The following RAP1B variants were observed in gnomAD, a reference collection of about 807,000 sequenced individuals.
RAP1B encodes ras-related protein Rap-1b.
In RAP1B, 1 loss-of-function variant was observed where a neutral mutation model predicts 27.5. That is an observed-to-expected ratio of 0.04 (90% CI 0.01 to 0.17). RAP1B has a LOEUF of 0.17. RAP1B is among the 10% of genes least tolerant of loss of function. RAP1B has a pLI of 1.00. For synonymous variants in RAP1B, 75 were observed against 73.1 expected (o/e 1.03, Z -0.13); for missense variants, 84 against 214.8 (o/e 0.39, Z 3.81).
At chr12:68,647,194 A>G (rs1873469682) in intron 1 of RAP1B, among the ~76,000 whole-genome samples, 1 of 152,134 alleles carries the variant, frequency 6.6e-6, no homozygotes. Flanking sequence ...CTGTGATTAC[A>G]GGCGTGTACC....
chr12:68,654,568 C>T (rs1449362257), intron 5 of RAP1B, among the ~76,000 whole-genome samples: 1 of 151,722 alleles, frequency 6.6e-6, no homozygotes, highest in African/African-American at 2.4e-5. Context: ...AGCTGTACCT[C>T]CCGGGTTCAC....
intron 2 of RAP1B, chr12:68,649,051 T>C (rs1873625354): frequency 2.9e-6 from 1 of 345,512 alleles, no homozygotes; most frequent in African/African-American, 2.1e-5. Context: ...TACATGTCTT[T>C]TTGCATTCGC....
intron 1 of RAP1B, chr12:68,627,258 C>G: frequency 9.5e-7 from 1 of 1,057,606 alleles, no homozygotes; most frequent in Admixed American, 1.7e-5. Context: ...TCCCTTAGAG[C>G]AACCCATACA....
At chr12:68,632,125 A>ATTTTTTTTTTTTTTTT (rs1211565843) in intron 1 of RAP1B, among the ~76,000 whole-genome samples, 1 of 107,142 alleles carries the variant, frequency 9.3e-6, no homozygotes, top group African/African-American at 4.6e-5. Context: ...TGGGTTTTGG[A>ATTTTTTTTTTTTTTTT]TTTGTTTTTT....
Position 68,610,916 on chromosome 12 carries a change from C to A in RAP1B, c.-154C>A. 1 of 308,136 alleles carries A rather than the reference C, an allele frequency of 3.2e-6. No individual in the cohort carries two copies. Among genetic ancestry groups the A allele is most frequent in the Non-Finnish European group, 6.0e-6 (1 of 166,932 alleles). 19.1% of individuals were successfully genotyped at this position (308,136 alleles called of 1,614,324 possible). On this transcript the variant is annotated 5_prime_UTR_variant, in exon 1 of 8. Coordinates refer to ENST00000250559, the MANE Select transcript of RAP1B (RefSeq NM_001010942.3). ...GTCAAGGCGACATCGCCAAACCTCG[C>A]CCAGATTCAGGCGTGTAAACCAGCC...
chr12:68,626,672 A>T (rs1303965369), intron 1 of RAP1B, among the ~76,000 whole-genome samples: 1 of 152,146 alleles, frequency 6.6e-6, no homozygotes, highest in African/African-American at 2.4e-5. Flanking sequence ...TTTTATAGGC[A>T]AAAAGATGAA....
intron 4 of RAP1B, 59 bp from the exon 5 acceptor site, chr12:68,654,053 T>C (rs1874019531): frequency 7.0e-7 from 1 of 1,423,824 alleles, no homozygotes. Context: ...ACTGTGAAAA[T>C]TGTAAAAATA....
chr12:68,621,355 CTATTATT>C (rs1311444826), intron 1 of RAP1B: 2 of 150,112 alleles, frequency 1.3e-5, no homozygotes, highest in Non-Finnish European at 2.9e-5. Context: ...TTGTCACTGA[CTATTATT>C]TATAGAGTTT....
Position 68,669,502 on chromosome 12 carries a change from A to G in RAP1B, c.*10253A>G, listed in dbSNP as rs559931429. On this transcript the variant is annotated 3_prime_UTR_variant, in exon 8 of 8. Coordinates refer to ENST00000250559, the MANE Select transcript of RAP1B (RefSeq NM_001010942.3). ...TGCCAGACTTGGGTGAGGTTTTGAAATTGAAATTAAGCAAAATGGGCCGGG... is the reference window on the plus strand; with the variant it reads ...TGCCAGACTTGGGTGAGGTTTTGAAGTTGAAATTAAGCAAAATGGGCCGGG... The G allele has an allele frequency of 6.6e-5, 10 of 152,200 alleles. No homozygotes were observed. The highest frequency in any genetic ancestry group is 1.0e-4 in the Non-Finnish European group (7 of 68,064). The allele number at this position is 152,200 out of a possible 1,614,324, so 9.4% of individuals were successfully genotyped here.
intron 2 of RAP1B, chr12:68,649,020 C>T: frequency 2.2e-6 from 1 of 453,442 alleles, no homozygotes; most frequent in Non-Finnish European, 3.9e-6. Flanking sequence ...GAGCTAAGCA[C>T]AGAGATTGAG....
chr12:68,619,690 T>G (rs1403422860), intron 1 of RAP1B, among the ~76,000 whole-genome samples: 1 of 152,218 alleles, frequency 6.6e-6, no homozygotes, highest in Non-Finnish European at 1.5e-5. Context: ...CAGTGTTTAA[T>G]GTCTTCTTTG....
intron 2 of RAP1B, 66 bp from the exon 3 acceptor site, chr12:68,650,334 A>T: frequency 7.2e-7 from 1 of 1,392,214 alleles, no homozygotes; most frequent in South Asian, 1.4e-5. Flanking sequence ...TCAGTTTACA[A>T]TTACATTAAA....
At chr12:68,645,514 AC>A (rs11347225) in intron 1 of RAP1B, among the ~76,000 whole-genome samples, 7,927 of 152,300 alleles carry the variant, frequency 0.052, 672 homozygotes, top group African/African-American at 0.18. Context: ...TGAGCTAAGG[AC>A]TTCAGGAAAA....
intron 1 of RAP1B, among the ~76,000 whole-genome samples, chr12:68,623,316 AG>A (rs1193914390): frequency 1.3e-5 from 2 of 152,306 alleles, no homozygotes; most frequent in African/African-American, 4.8e-5. Context: ...AGTAAAAATA[AG>A]GTAGAATCTG....
At chr12:68,620,797 A>G (rs1171020788) in intron 1 of RAP1B, among the ~76,000 whole-genome samples, 2 of 152,104 alleles carry the variant, frequency 1.3e-5, no homozygotes, top group African/African-American at 4.8e-5. Context: ...CATGTTGCCC[A>G]GGCTGGTGTC....
At chr12:68,613,918 C>G (rs933516102) in intron 1 of RAP1B, among the ~76,000 whole-genome samples, 2 of 152,144 alleles carry the variant, frequency 1.3e-5, no homozygotes, top group Non-Finnish European at 2.9e-5. Flanking sequence ...CCAATATTTT[C>G]TCTTAGCTGT....
At chr12:68,636,734 T>TC (rs397960954) in intron 1 of RAP1B, among the ~76,000 whole-genome samples, 3 of 151,986 alleles carry the variant, frequency 2.0e-5, no homozygotes, top group Non-Finnish European at 4.4e-5. Context: ...TGTTTTTTTT[T>TC]GAGACGGAGT....
At chr12:68,628,191 A>G (rs1040448965) in intron 1 of RAP1B, among the ~76,000 whole-genome samples, 3 of 152,170 alleles carry the variant, frequency 2.0e-5, no homozygotes, top group African/African-American at 7.2e-5. Flanking sequence ...TAGGCCCCAC[A>G]AAATTACATG....
At chr12:68,615,312 G>T (rs1870903642) in intron 1 of RAP1B, among the ~76,000 whole-genome samples, 1 of 151,870 alleles carries the variant, frequency 6.6e-6, no homozygotes, top group South Asian at 2.1e-4. Context: ...AAATGTACCA[G>T]TTTTTTTTAA....
Sources: gnomAD v4.1 joint callset for allele counts (sites outside exome capture counted in the v4.1 genomes callset) on GRCh38, gnomAD v4.1.1 for gene constraint, MANE v1.5 for transcripts, NCBI Gene and HGNC (gene_info 2026-07-23, HGNC 2026-07-21) for gene names.